The following EPHA5 variants were observed in gnomAD, a reference collection of about 807,000 sequenced individuals.
The protein encoded by EPHA5 is ephrin type-A receptor 5.
In EPHA5, 60 loss-of-function variants were observed where a neutral mutation model predicts 105.0. That is an observed-to-expected ratio of 0.57 (90% CI 0.46 to 0.71). The LOEUF (loss-of-function observed/expected upper bound fraction) is 0.71, where lower values mean the gene tolerates loss of function less well. Among genes scored for constraint, EPHA5 ranks in the 30% least tolerant of loss-of-function variants. The pLI is 0.00. For synonymous variants in EPHA5, 513 were observed against 449.1 expected (o/e 1.14, Z -1.80); for missense variants, 1,218 against 1,274.7 (o/e 0.96, Z 0.68).
In EPHA5 at chr4:65,319,653, TAA is replaced by T; in HGVS notation, c.*4459_*4460del. ...AGCATGTACACAAACCAAATGCACA[TAA>T]AGATTCAAATGAGAAAAAATACAGA... On this transcript the variant is annotated 3_prime_UTR_variant, in exon 17 of 17. Transcript: ENST00000613740. The T allele has an allele frequency of 4.5e-6, 1 of 221,620 alleles. No homozygotes were observed. Among genetic ancestry groups the T allele is most frequent in the East Asian group, 6.6e-5 (1 of 15,264 alleles). The allele number at this position is 221,620 out of a possible 1,614,324, so 13.7% of individuals were successfully genotyped here.
intron 2 of EPHA5, among the ~76,000 whole-genome samples, chr4:65,618,011 TTTTC>T (rs1480619056): frequency 1.1e-4 from 17 of 152,264 alleles, no homozygotes; most frequent in African/African-American, 3.8e-4. Context: ...TAACCAGTAT[TTTTC>T]TTCTCCTCAT....
chr4:65,564,895 A>G (rs535410110), intron 3 of EPHA5, among the ~76,000 whole-genome samples: 1 of 151,808 alleles, frequency 6.6e-6, no homozygotes, highest in Non-Finnish European at 1.5e-5. Context: ...CTATGGAAAT[A>G]AATTTCAAAA....
At chr4:65,325,651 T>G (rs541346408) in intron 16 of EPHA5, among the ~76,000 whole-genome samples, 1 of 151,282 alleles carries the variant, frequency 6.6e-6, no homozygotes, top group Non-Finnish European at 1.5e-5. Context: ...TAAAATTAGC[T>G]TTGAAACAAA....
intron 3 of EPHA5, among the ~76,000 whole-genome samples, chr4:65,540,391 C>T (rs966676315): frequency 6.6e-6 from 1 of 151,030 alleles, no homozygotes; most frequent in Non-Finnish European, 1.5e-5. Context: ...AATCAGCAAC[C>T]ATTTTTTTTT....
intron 3 of EPHA5, among the ~76,000 whole-genome samples, chr4:65,576,213 T>C (rs960964563): frequency 2.0e-5 from 3 of 151,878 alleles, no homozygotes; most frequent in Non-Finnish European, 4.4e-5. Context: ...AGAAAATTGA[T>C]CAAGGGTATG....
At chr4:65,654,168 G>C (rs1168024732) in intron 1 of EPHA5, among the ~76,000 whole-genome samples, 8 of 151,306 alleles carry the variant, frequency 5.3e-5, no homozygotes, top group Admixed American at 4.0e-4. Flanking sequence ...ATGAGAGTAA[G>C]GCCAAGAAAA....
chr4:65,545,654 A>G (rs1192429707), intron 3 of EPHA5, among the ~76,000 whole-genome samples: 2 of 151,966 alleles, frequency 1.3e-5, no homozygotes, highest in African/African-American at 4.8e-5. Flanking sequence ...AATAGAGAAC[A>G]AGATAAAAAT....
At chr4:65,331,213 G>C in intron 16 of EPHA5, 1 of 1,030,074 alleles carries the variant, frequency 9.7e-7, no homozygotes, top group Non-Finnish European at 1.2e-6. Flanking sequence ...ATGTAATCTA[G>C]ATGGAACCAC....
chr4:65,578,273 A>C (rs1741264956), intron 3 of EPHA5, among the ~76,000 whole-genome samples: 1 of 152,104 alleles, frequency 6.6e-6, no homozygotes. Context: ...ACAAGACATA[A>C]CAGTAGGCTT....
At chr4:65,524,044 T>C (rs1735009810) in intron 3 of EPHA5, among the ~76,000 whole-genome samples, 2 of 151,902 alleles carry the variant, frequency 1.3e-5, no homozygotes, top group Non-Finnish European at 1.5e-5. Flanking sequence ...GTTGAAAATA[T>C]GTAAAAATTT....
chr4:65,530,414 TTGTG>T (rs34792636), intron 3 of EPHA5, among the ~76,000 whole-genome samples: 34,920 of 151,136 alleles, frequency 0.23, 4,177 homozygotes, highest in Middle Eastern at 0.32. Flanking sequence ...AGGTGTACAT[TTGTG>T]TGTGTGTGTG....
intron 7 of EPHA5, among the ~76,000 whole-genome samples, chr4:65,405,616 G>T (rs896216): frequency 0.8 from 121,675 of 152,050 alleles, 49,099 homozygotes; most frequent in South Asian, 0.92. Flanking sequence ...TAGACCAGTA[G>T]TTAGATCCCA....
chr4:65,637,569 C>CATATATATATATATATATATATATAT (rs34456844), intron 2 of EPHA5, among the ~76,000 whole-genome samples: 4 of 112,436 alleles, frequency 3.6e-5, no homozygotes, highest in Non-Finnish European at 7.5e-5. Flanking sequence ...ATGAGTTTTG[C>CATATATATATATATATATATATATAT]ATATATATAT....
chr4:65,539,364 T>C (rs1289774465), intron 3 of EPHA5, among the ~76,000 whole-genome samples: 1 of 151,666 alleles, frequency 6.6e-6, no homozygotes, highest in Non-Finnish European at 1.5e-5. Context: ...TTAAATACAA[T>C]ATTTAGGAAA....
chr4:65,380,310 C>T (rs922860172), intron 8 of EPHA5, among the ~76,000 whole-genome samples: 3 of 151,732 alleles, frequency 2.0e-5, no homozygotes, highest in African/African-American at 7.2e-5. Context: ...TCCATTTGTC[C>T]TTCAGCAGAT....
chr4:65,534,828 G>T lies in EPHA5; in HGVS notation c.911-39285C>A, dbSNP rs562953438. On this transcript the variant is annotated intron_variant, in intron 3 of 16. Transcript: ENST00000613740. Reference sequence around the variant, plus strand: ...AAATACAACAAAACATGCTTAAATGGATATATTATGTTCACTGAAAAGTGG... The same window carrying T: ...AAATACAACAAAACATGCTTAAATGTATATATTATGTTCACTGAAAAGTGG... 3.9e-5 allele frequency among the ~76,000 whole-genome samples: 6 copies of T among 152,264 alleles called. No homozygotes were observed. In the South Asian group the frequency reaches 1.0e-3, roughly 26 times the overall value.
intron 8 of EPHA5, among the ~76,000 whole-genome samples, chr4:65,372,457 C>T (rs1285698442): frequency 1.3e-5 from 2 of 151,830 alleles, no homozygotes; most frequent in Admixed American, 1.3e-4. Flanking sequence ...GCTAGCAAAA[C>T]TGTGTGAGTC....
intron 2 of EPHA5, among the ~76,000 whole-genome samples, chr4:65,630,525 A>C (rs922260067): frequency 5.3e-5 from 8 of 152,174 alleles, no homozygotes; most frequent in African/African-American, 1.9e-4. Context: ...TGCCAAGTCA[A>C]AGGTCATCAG....
intron 5 of EPHA5, among the ~76,000 whole-genome samples, chr4:65,478,369 C>T (rs151192774): frequency 6.6e-6 from 1 of 152,230 alleles, no homozygotes; most frequent in African/African-American, 2.4e-5. Context: ...GATAAGTTAA[C>T]AAAATTTGTA....
Sources: gnomAD v4.1 joint callset for allele counts (sites outside exome capture counted in the v4.1 genomes callset) on GRCh38, gnomAD v4.1.1 for gene constraint, MANE v1.5 for transcripts, NCBI Gene and HGNC (gene_info 2026-07-23, HGNC 2026-07-21) for gene names.